Variants in NCOA2 observed in about 807,000 individuals in gnomAD.
NCOA2 encodes class E basic helix-loop-helix protein 75.
Under a neutral mutation model 145.1 loss-of-function variants are expected in NCOA2, and 21 were observed. That is an observed-to-expected ratio of 0.14 (90% CI 0.10 to 0.21). The LOEUF (loss-of-function observed/expected upper bound fraction) is 0.21. Ranked by LOEUF, NCOA2 falls within the 10% of genes least tolerant of loss-of-function variation. NCOA2 has a pLI of 1.00. For missense variants in NCOA2, 1,472 were observed against 1,837.6 expected (o/e 0.80, Z 3.64); for synonymous variants, 619 against 637.5 (o/e 0.97, Z 0.44).
At chr8:70,361,003 A>C (rs1350017331) in intron 1 of NCOA2, among the ~76,000 whole-genome samples, 1 of 152,154 alleles carries the variant, frequency 6.6e-6, no homozygotes, top group Non-Finnish European at 1.5e-5. Flanking sequence ...CCTCTGGCCA[A>C]ACACACTGCT....
At chr8:70,210,732 C>T (rs776734096) in intron 4 of NCOA2, among the ~76,000 whole-genome samples, 3 of 151,914 alleles carry the variant, frequency 2.0e-5, no homozygotes, top group African/African-American at 4.8e-5. Flanking sequence ...CTGGCTGACA[C>T]GTCATAGCTT....
chr8:70,268,214 G>A (rs1824766419), intron 2 of NCOA2, among the ~76,000 whole-genome samples: 1 of 152,056 alleles, frequency 6.6e-6, no homozygotes, highest in Non-Finnish European at 1.5e-5. Flanking sequence ...TTATATACAA[G>A]GCTCATCTCT....
chr8:70,174,876 T>C lies in NCOA2; in HGVS notation c.260-17A>G. On this transcript the variant is annotated splice_polypyrimidine_tract_variant and intron_variant, in intron 4 of 22. Coordinates refer to ENST00000452400, the MANE Select transcript of NCOA2 (RefSeq NM_006540.4). ...CTGCTTTCTCTGCAATAAACATAAG[T>C]GTGAATTAAATGGCAGTGCTATTTC... 3 of 1,607,006 alleles carry C rather than the reference T, an allele frequency of 1.9e-6. No homozygotes were observed. Among genetic ancestry groups the C allele is most frequent in the Non-Finnish European group, 2.6e-6 (3 of 1,174,376 alleles).
intron 4 of NCOA2, among the ~76,000 whole-genome samples, chr8:70,205,206 G>GAA (rs1014678864): frequency 6.6e-6 from 1 of 150,544 alleles, no homozygotes; most frequent in African/African-American, 2.4e-5. Flanking sequence ...AGTGTTTTGT[G>GAA]AAAAAAAAAG....
intron 2 of NCOA2, among the ~76,000 whole-genome samples, chr8:70,263,275 G>A (rs887815591): frequency 6.7e-6 from 1 of 149,702 alleles, no homozygotes. Context: ...CTCCTGGGCA[G>A]GACAGAACAG....
chr8:70,348,851 C>A (rs79424181), intron 1 of NCOA2, among the ~76,000 whole-genome samples: 2 of 152,088 alleles, frequency 1.3e-5, no homozygotes, highest in Non-Finnish European at 2.9e-5. Flanking sequence ...GTCAAGCCAG[C>A]AGTTAAAGCT....
rs540468607 is a variant in NCOA2, at chr8:70,124,929, G to T, written c.3917-64C>A. On this transcript the variant is annotated intron_variant, in intron 19 of 22. Coordinates refer to ENST00000452400, the MANE Select transcript of NCOA2 (RefSeq NM_006540.4). ...TGTTAGTTATATTGTAGAGACTGGT[G>T]GGGGGGAAAGAACATTCCAAATTAG... 2.9e-4 allele frequency: 408 copies of T among 1,405,186 alleles called. 5 individuals are homozygous for T. The South Asian group carries it at 3.1e-3, about 11-fold the overall frequency. The allele number at this position is 1,405,186 out of a possible 1,614,324, so 87.0% of individuals were successfully genotyped here.
chr8:70,306,741 T>TCTACAAAAAATACAAAA (rs1269164610), intron 1 of NCOA2, among the ~76,000 whole-genome samples: 6 of 151,946 alleles, frequency 3.9e-5, no homozygotes, highest in Non-Finnish European at 8.8e-5. Flanking sequence ...TAGCCAGGTG[T>TCTACAAAAAATACAAAA]GGTGGCGCGT....
intron 1 of NCOA2, among the ~76,000 whole-genome samples, chr8:70,396,035 TAGC>T (rs1396501310): frequency 6.6e-6 from 1 of 152,128 alleles, no homozygotes; most frequent in African/African-American, 2.4e-5. Context: ...ATTCCACAAA[TAGC>T]AGAGCAGAAG....
chr8:70,296,921 C>T (rs899577135), intron 1 of NCOA2, 121 bp from the exon 2 acceptor site: 11 of 152,198 alleles, frequency 7.2e-5, no homozygotes, highest in Non-Finnish European at 1.3e-4. Flanking sequence ...CATCAATACA[C>T]AAGTAATATG....
intron 1 of NCOA2, among the ~76,000 whole-genome samples, chr8:70,355,919 CTT>C (rs1314175017): frequency 7.9e-5 from 12 of 152,090 alleles, no homozygotes; most frequent in African/African-American, 2.2e-4. Context: ...TTACATAAAA[CTT>C]AATCTAATAA....
chr8:70,360,981 A>T (rs1586593760), intron 1 of NCOA2, among the ~76,000 whole-genome samples: 1 of 151,868 alleles, frequency 6.6e-6, no homozygotes, highest in Middle Eastern at 3.4e-3. Context: ...TAAAATACTG[A>T]TCTCATTGTG....
At chr8:70,347,283 G>A (rs577571582) in intron 1 of NCOA2, among the ~76,000 whole-genome samples, 7 of 152,016 alleles carry the variant, frequency 4.6e-5, no homozygotes, top group East Asian at 1.9e-4. Context: ...TCAGGAGTTC[G>A]AGACCAGCCG....
intron 4 of NCOA2, among the ~76,000 whole-genome samples, chr8:70,210,849 G>T (rs73289289): frequency 3.5e-4 from 54 of 152,264 alleles, no homozygotes; most frequent in African/African-American, 1.3e-3. Flanking sequence ...GGATAAATAG[G>T]CAGGTTTATT....
rs1254903560 is a variant in NCOA2, at chr8:70,203,885, AAATGTG to A, written c.259+10012_259+10017del. ...CTAATATCTGCGCAGCACTAACATAAAATGTGAATGTGCGTTCTATATTATATATTC... is the reference window on the plus strand; with the variant it reads ...CTAATATCTGCGCAGCACTAACATAAAATGTGCGTTCTATATTATATATTC... On this transcript the variant is annotated intron_variant, in intron 4 of 22. Transcript: ENST00000452400. Among the ~76,000 whole-genome samples, 5 of 152,226 alleles carry A rather than the reference AAATGTG, an allele frequency of 3.3e-5. No homozygotes were observed. In the East Asian group the frequency reaches 9.6e-4, roughly 29 times the overall value.
chr8:70,331,008 CACTT>C (rs1417431255), intron 1 of NCOA2, among the ~76,000 whole-genome samples: 3 of 150,758 alleles, frequency 2.0e-5, no homozygotes, highest in Non-Finnish European at 4.4e-5. Context: ...CCCGTACTCC[CACTT>C]ACTTAAGAAC....
intron 1 of NCOA2, among the ~76,000 whole-genome samples, chr8:70,326,712 T>C (rs1308089284): frequency 1.3e-5 from 2 of 152,168 alleles, no homozygotes; most frequent in Non-Finnish European, 2.9e-5. Flanking sequence ...TTGACCATTA[T>C]ACAGATTCAC....
chr8:70,182,679 T>C (rs1161396458), intron 4 of NCOA2, among the ~76,000 whole-genome samples: 2 of 152,204 alleles, frequency 1.3e-5, no homozygotes, highest in South Asian at 2.1e-4. Flanking sequence ...CCTATCAGTA[T>C]TGAATTTACT....
At chr8:70,440,749 AAG>A in the NCOA2 span, among the ~76,000 whole-genome samples, 1 of 151,630 alleles carries the variant, frequency 6.6e-6, no homozygotes, top group South Asian at 2.1e-4. Flanking sequence ...AAAGAAAAGA[AAG>A]AGAGAAAGAG....
Sources: allele counts gnomAD v4.1 joint callset (sites outside exome capture counted in the v4.1 genomes callset), GRCh38; gene constraint gnomAD v4.1.1; transcripts MANE v1.5; gene names NCBI Gene and HGNC (gene_info 2026-07-23, HGNC 2026-07-21).